IL18RAP: variants seen among roughly 807,000 people sequenced by gnomAD.
The protein encoded by IL18RAP is interleukin 18 receptor accessory protein.
Under a neutral mutation model 58.1 loss-of-function variants are expected in IL18RAP, and 37 were observed. The observed-to-expected ratio is 0.64, with a 90% CI of 0.49 to 0.84. The LOEUF (loss-of-function observed/expected upper bound fraction) is 0.84. Among genes scored for constraint, IL18RAP ranks in the 40% least tolerant of loss-of-function variants. IL18RAP has a pLI of 0.00. For synonymous variants in IL18RAP, 268 were observed against 257.5 expected, an observed-to-expected ratio of 1.04 and a Z score of -0.39; for missense variants, 667 against 704.8, an observed-to-expected ratio of 0.95 and a Z score of 0.61.
At chr2:102,427,576 T>C (rs917598642) in intron 3 of IL18RAP, among the ~76,000 whole-genome samples, 1 of 152,162 alleles carries the variant, frequency 6.6e-6, no homozygotes, top group African/African-American at 2.4e-5. Context: ...TTTGTTTTCT[T>C]GCTAATGCAG....
At chr2:102,445,369 T>C (rs368226158) in intron 7 of IL18RAP, 29 bp downstream of exon 7, 16 of 1,607,576 alleles carry the variant, frequency 1.0e-5, no homozygotes, top group African/African-American at 9.4e-5. Context: ...CCAGGAGGCA[T>C]GAAACTGCTT....
chr2:102,444,157 A>G (rs1304057497), intron 6 of IL18RAP, among the ~76,000 whole-genome samples: 1 of 152,254 alleles, frequency 6.6e-6, no homozygotes, highest in Non-Finnish European at 1.5e-5. Context: ...AAAATGCAAT[A>G]TCATTTTGAA....
At chr2:102,418,675 T>A (rs1197566637), upstream of IL18RAP, 3 of 152,340 alleles carry the variant, frequency 2.0e-5, no homozygotes, top group Non-Finnish European at 4.4e-5. Flanking sequence ...TTCCTCTGTA[T>A]GACCATCCAT....
chr2:102,423,284 T>C lies in IL18RAP; in HGVS notation c.7T>C (p.Cys3Arg). ML[C>R]LGWIFLWLVA... ...ACAGGAACACGGGAGAACAATGCTC[T>C]GTTTGGGCTGGATATTTCTTTGGCT... The change falls in exon 1 of 10, where the codon TGT (cysteine) becomes CGT (arginine). Residue 3 changes from cysteine (C) to arginine (R), a missense_variant. Transcript: ENST00000687160. 6.8e-6 allele frequency: 11 copies of C among 1,614,032 alleles called. No individual in the cohort carries two copies. The highest frequency in any genetic ancestry group is 2.2e-5 in the East Asian group (1 of 44,884).
In IL18RAP at chr2:102,451,873, G is replaced by A; in HGVS notation, c.1492G>A (p.Val498Met). 11 of 1,614,206 alleles carry A rather than the reference G, an allele frequency of 6.8e-6. No individual in the cohort carries two copies. The highest frequency in any genetic ancestry group is 9.3e-6 in the Non-Finnish European group (11 of 1,180,026). Residue 498 changes from valine (V) to methionine (M), a missense_variant, in exon 10 of 10, where the codon GTG becomes ATG. Transcript: ENST00000687160. Reference sequence around the variant, plus strand: ...CAGTATCTTTGAACTACAAGCAGCAGTGAATCTTGCCTTGGATGATCAAAC... The same window carrying A: ...CAGTATCTTTGAACTACAAGCAGCAATGAATCTTGCCTTGGATGATCAAAC... ...GPSIFELQAA[V>M]NLALDDQTLK...
chr2:102,428,513 A>T (rs1433115208), intron 3 of IL18RAP, among the ~76,000 whole-genome samples: 1 of 151,380 alleles, frequency 6.6e-6, no homozygotes, highest in Non-Finnish European at 1.5e-5. Context: ...CAGACAGTTC[A>T]TTTTCAGTAC....
At chr2:102,441,452 G>C in intron 5 of IL18RAP, 75 bp downstream of exon 5, 1 of 1,148,290 alleles carries the variant, frequency 8.7e-7, no homozygotes, top group Non-Finnish European at 1.3e-6. Context: ...AAGGAAAACA[G>C]CATTGGGATT....
Position 102,447,211 on chromosome 2 carries a change from A to G in IL18RAP, c.1210+4A>G. ...AGCAAGGATCAGACGCTTGGGGGTA[A>G]GTTTACCTCCACATGCAGCCCTCTG... On this transcript the variant is annotated splice_donor_region_variant and intron_variant, in intron 8 of 9. Transcript: ENST00000687160. 1 of 1,612,748 alleles carries G rather than the reference A, an allele frequency of 6.2e-7. No homozygotes were observed. The highest frequency in any genetic ancestry group is 8.5e-7 in the Non-Finnish European group (1 of 1,179,238).
chr2:102,443,123 G>A (rs2104366892), intron 5 of IL18RAP, 77 bp from the exon 6 acceptor site: 7 of 1,439,212 alleles, frequency 4.9e-6, no homozygotes, highest in South Asian at 2.6e-5. Context: ...AGCTTCTGGC[G>A]ACGTCTTCCT....
intron 3 of IL18RAP, among the ~76,000 whole-genome samples, chr2:102,431,388 G>A (rs373645678): frequency 6.6e-6 from 1 of 152,158 alleles, no homozygotes; most frequent in Non-Finnish European, 1.5e-5. Flanking sequence ...TGATTATGAT[G>A]TATCTTGGTA....
chr2:102,428,008 A>T (rs978165472), intron 3 of IL18RAP, among the ~76,000 whole-genome samples: 1 of 147,506 alleles, frequency 6.8e-6, no homozygotes, highest in African/African-American at 2.5e-5. Context: ...TTTATTGACC[A>T]TAAATGTGTG....
chr2:102,441,396 C>T lies in IL18RAP; in HGVS notation c.796+19C>T, dbSNP rs1388533246. The T allele has an allele frequency of 2.5e-6, 4 of 1,599,366 alleles. No homozygotes were observed. The highest frequency in any genetic ancestry group is 2.2e-5 in the South Asian group (2 of 90,740). The stretch of plus-strand genomic sequence containing the variant: ...GAACTTGGTAAGCTGGGCCTCATCG[C>T]CTTTGAATGACATCGTGCTGCTGGG... On this transcript the variant is annotated intron_variant, in intron 5 of 9. Coordinates refer to ENST00000687160, the MANE Select transcript of IL18RAP (RefSeq NM_001393487.1).
chr2:102,424,103 T>C lies in IL18RAP; in HGVS notation c.363T>C (p.Ser121=). The change falls in exon 2 of 10, where the codon TCT becomes TCC. Residue 121 remains serine (S), a synonymous_variant. Coordinates refer to ENST00000687160, the MANE Select transcript of IL18RAP (RefSeq NM_001393487.1). ...TTTTGACCCCAGGGGTGAATAATTC[T>C]GGGTCATATATTTGTAGACCCAAGA... The part of the protein sequence containing the change: ...LHFLTPGVNN[S]GSYICRPKMI... 6.2e-7 allele frequency: 1 copy of C among 1,613,568 alleles called. No homozygotes were observed. Among genetic ancestry groups the C allele is most frequent in the Non-Finnish European group, 8.5e-7 (1 of 1,179,578 alleles).
At chr2:102,435,246 A>T (rs17027124) in intron 3 of IL18RAP, 4,224 of 152,228 alleles carry the variant, frequency 0.028, 192 homozygotes, top group African/African-American at 0.096. Flanking sequence ...GGTTATGGGG[A>T]CCTTGCTGAT....
At chr2:102,439,228 C>G (rs1009093509) in intron 4 of IL18RAP, 1 of 152,040 alleles carries the variant, frequency 6.6e-6, no homozygotes, top group Non-Finnish European at 1.5e-5. Context: ...TTTGCTGGGT[C>G]GGAAGTGGGT....
intron 3 of IL18RAP, chr2:102,434,560 C>T (rs934946629): frequency 6.6e-6 from 1 of 152,130 alleles, no homozygotes; most frequent in Non-Finnish European, 1.5e-5. Flanking sequence ...ACGGGCGAGG[C>T]TAACACCAGG....
upstream of IL18RAP, chr2:102,419,776 T>C (rs1032349985): frequency 2.0e-5 from 3 of 152,224 alleles, no homozygotes; most frequent in African/African-American, 7.2e-5. Flanking sequence ...TGGATATGAA[T>C]CCCCCTTCTA....
chr2:102,420,205 C>G (rs1329661906), upstream of IL18RAP, among the ~76,000 whole-genome samples: 4 of 152,316 alleles, frequency 2.6e-5, no homozygotes, highest in East Asian at 3.9e-4. Context: ...GCTACTGTAA[C>G]TCAGCACTAA....
In IL18RAP at chr2:102,428,379, G is replaced by GTTT. The variant is rs57882228; in HGVS notation, c.579+3976_579+3978dup. On this transcript the variant is annotated intron_variant, in intron 3 of 9. Transcript: ENST00000687160. ...GTGTTTTCTTCCATTCCTTTTGTTAGTTTTTTTTTTTTTATAATTTTCAGT... is the reference window on the plus strand; with the variant it reads ...GTGTTTTCTTCCATTCCTTTTGTTAGTTTTTTTTTTTTTTTTATAATTTTCAGT... Among the ~76,000 whole-genome samples, 1,004 of 145,910 alleles carry GTTT rather than the reference G, an allele frequency of 6.9e-3. 13 individuals are homozygous for GTTT. The highest frequency in any genetic ancestry group is 0.021 in the African/African-American group (835 of 39,986).
Sources: allele counts gnomAD v4.1 joint callset (sites outside exome capture counted in the v4.1 genomes callset), GRCh38; gene constraint gnomAD v4.1.1; transcripts MANE v1.5; gene names NCBI Gene and HGNC (gene_info 2026-07-23, HGNC 2026-07-21).